The following SDK2 variants were observed in gnomAD, a reference collection of about 807,000 sequenced individuals.
SDK2 encodes the protein protein sidekick-2.
A neutral mutation model predicts 253.9 loss-of-function variants in SDK2; 105 were observed. The ratio of observed to expected loss-of-function variants is 0.41; its 90% confidence interval spans 0.35 to 0.49. The LOEUF is 0.49. Ranked by LOEUF, SDK2 falls within the 20% of genes least tolerant of loss-of-function variation. The pLI, the probability that SDK2 is intolerant of heterozygous loss-of-function variation, is 0.06. For missense variants in SDK2, 2,608 were observed against 3,003.0 expected, an observed-to-expected ratio of 0.87 and a Z score of 3.07; for synonymous variants, 1,249 against 1,234.9, an observed-to-expected ratio of 1.01 and a Z score of -0.24.
In SDK2 at chr17:73,387,976, C is replaced by G. The variant is rs1240184376; in HGVS notation, c.4254G>C (p.Val1418=). 13 of 1,571,508 alleles carry G rather than the reference C, an allele frequency of 8.3e-6. No individual in the cohort carries two copies. The highest frequency in any genetic ancestry group is 1.0e-5 in the Non-Finnish European group (12 of 1,159,144). Residue 1418 remains valine, a synonymous_variant, in exon 30 of 45, where the codon GTG becomes GTC. Coordinates refer to ENST00000392650, the MANE Select transcript of SDK2 (RefSeq NM_001144952.2). ...CGCTCCCTGGCTCCCAGGACAGCAG[C>G]ACGCTGCGTGCTCTCACATCCTCCT... is the stretch of plus-strand genomic sequence containing the variant. ...VQQEDVRARS[V]LLSWEPGSDG...
At position 73,447,832 on chromosome 17, in the gene SDK2, A is replaced by C. The variant is rs2063464653; in HGVS notation, c.480-84T>G. The C allele has an allele frequency of 2.0e-6, 3 of 1,487,908 alleles. No homozygotes were observed. The Admixed American group carries it at 6.0e-5, about 30-fold the overall frequency. The allele number at this position is 1,487,908 out of a possible 1,614,324, so 92.2% of individuals were successfully genotyped here. A position where few individuals can be genotyped will look rare whatever the true frequency, so the allele number is the denominator to read the frequency against. ...AGTGGGAGTGGAAACCCTAAGGGGGAAGCCCGACCATATCTCCCAGTCCCC... is the reference window on the plus strand; with the variant it reads ...AGTGGGAGTGGAAACCCTAAGGGGGCAGCCCGACCATATCTCCCAGTCCCC... On this transcript the variant is annotated intron_variant, in intron 4 of 44. Transcript: ENST00000392650. This position sits in a 1 kb window ranked among gnomAD's most constrained non-coding sequence, Gnocchi z 4.0.
chr17:73,415,333 CTT>C (rs901298170), intron 17 of SDK2, among the ~76,000 whole-genome samples: 6 of 146,956 alleles, frequency 4.1e-5, no homozygotes, highest in African/African-American at 1.5e-4. Flanking sequence ...GCCATAGTCT[CTT>C]TTCATTTCAT....
intron 1 of SDK2, among the ~76,000 whole-genome samples, chr17:73,545,508 G>A (rs111583530): frequency 8.5e-5 from 13 of 152,176 alleles, no homozygotes; most frequent in African/African-American, 3.1e-4. Context: ...AGGGAGAGAA[G>A]GGGTGCGTTT....
At chr17:73,518,355 G>A (rs1273064717) in intron 1 of SDK2, 2 of 152,254 alleles carry the variant, frequency 1.3e-5, no homozygotes, top group African/African-American at 4.8e-5. Flanking sequence ...GAAAAATAGG[G>A]ATAGCAGTGC....
intron 1 of SDK2, among the ~76,000 whole-genome samples, chr17:73,623,655 C>A (rs1414108481): frequency 6.6e-6 from 1 of 152,178 alleles, no homozygotes; most frequent in Non-Finnish European, 1.5e-5. Flanking sequence ...TAGCTGCCCC[C>A]TGATCTCACC....
intron 25 of SDK2, among the ~76,000 whole-genome samples, chr17:73,394,803 C>G (rs2062956761): frequency 6.6e-6 from 1 of 152,186 alleles, no homozygotes; most frequent in South Asian, 2.1e-4. Flanking sequence ...TGAGAGCTAA[C>G]CCTTTCCTCG....
At chr17:73,408,460 G>A (rs370367474) in intron 18 of SDK2, among the ~76,000 whole-genome samples, 89 of 151,890 alleles carry the variant, frequency 5.9e-4, no homozygotes, top group African/African-American at 1.9e-3. Context: ...TCCTGACCTC[G>A]TGATCCACCT....
intron 10 of SDK2, among the ~76,000 whole-genome samples, chr17:73,433,150 G>A (rs900051335): frequency 1.1e-4 from 16 of 151,642 alleles, no homozygotes; most frequent in African/African-American, 3.6e-4. Context: ...ATCACCCTGG[G>A]GTATATATAT....
chr17:73,415,691 G>T, intron 17 of SDK2, 120 bp downstream of exon 17: 4 of 840,430 alleles, frequency 4.8e-6, no homozygotes, highest in Non-Finnish European at 7.4e-6. Context: ...GTCTCCCTAT[G>T]TTGCCCAGGC....
intron 44 of SDK2, among the ~76,000 whole-genome samples, chr17:73,340,251 C>T (rs1401268845): frequency 6.6e-6 from 1 of 152,176 alleles, no homozygotes; most frequent in Admixed American, 6.5e-5. Context: ...GCATTAGGAC[C>T]GTCGCAGTGT....
chr17:73,468,556 G>T (rs569514952), intron 3 of SDK2, among the ~76,000 whole-genome samples: 33 of 152,232 alleles, frequency 2.2e-4, no homozygotes, highest in African/African-American at 5.8e-4. Flanking sequence ...CTGTCACCCA[G>T]GCTAGAGTGC....
intron 3 of SDK2, among the ~76,000 whole-genome samples, chr17:73,471,909 G>A (rs534783106): frequency 2.0e-4 from 30 of 152,324 alleles, no homozygotes; most frequent in East Asian, 3.9e-4. Context: ...TTACAGCTGC[G>A]TGACCTTGAA....
intron 1 of SDK2, chr17:73,518,860 C>A (rs764240305): frequency 6.6e-6 from 1 of 152,238 alleles, no homozygotes; most frequent in Non-Finnish European, 1.5e-5. Flanking sequence ...TGGAGCAATT[C>A]TCCAGTTTTA....
chr17:73,516,088 G>A (rs1420239424), intron 1 of SDK2, among the ~76,000 whole-genome samples: 1 of 152,222 alleles, frequency 6.6e-6, no homozygotes, highest in Non-Finnish European at 1.5e-5. Context: ...GCAGTCTCTT[G>A]AAGTTCTTAC....
intron 1 of SDK2, among the ~76,000 whole-genome samples, chr17:73,604,033 A>T (rs1185037411): frequency 6.6e-6 from 1 of 152,258 alleles, no homozygotes; most frequent in Non-Finnish European, 1.5e-5. Flanking sequence ...ACCCAGGGCC[A>T]AATGGGCAGC....
chr17:73,368,258 GTC>G (rs2062702192), intron 37 of SDK2, 147 bp downstream of exon 37: 1 of 673,528 alleles, frequency 1.5e-6, no homozygotes, highest in African/African-American at 1.9e-5. Flanking sequence ...TTGGGAGGGT[GTC>G]TCTGGGGACC....
rs2063361536 is a variant in SDK2, at chr17:73,435,588, TCTC to T, written c.1054_1056del (p.Glu352del). The T allele has an allele frequency of 4.4e-6, 7 of 1,581,072 alleles. No individual in the cohort carries two copies. In the East Asian group the frequency reaches 9.4e-5, roughly 21 times the overall value. On this transcript the variant is annotated inframe_deletion, in exon 9 of 45. Coordinates refer to ENST00000392650, the MANE Select transcript of SDK2 (RefSeq NM_001144952.2). The surrounding 1 kb of genome is among the most constrained non-coding windows in gnomAD (Gnocchi z 5.7). ...TTGCGCTGCCGGAAGCGGGTCAACT[TCTC>T]CACCTCCACCACGGCTGCGTCCTTG...
chr17:73,338,500 G>T lies in SDK2; in HGVS notation c.*87C>A. ...GGTGAAAAGTTGACTTGGTTTCTTG[G>T]TGTTTTTGTTTTCTGGCAGGCAGTG... On this transcript the variant is annotated 3_prime_UTR_variant, in exon 45 of 45. Transcript: ENST00000392650. This position sits in a 1 kb window ranked among gnomAD's most constrained non-coding sequence, Gnocchi z 5.0. 1 of 820,918 alleles carries T rather than the reference G, an allele frequency of 1.2e-6. No individual in the cohort carries two copies. The highest frequency in any genetic ancestry group is 2.0e-6 in the Non-Finnish European group (1 of 511,618). The allele number at this position is 820,918 out of a possible 1,614,324, so 50.9% of individuals were successfully genotyped here. A position where few individuals can be genotyped will look rare whatever the true frequency, so the allele number is the denominator to read the frequency against.
intron 31 of SDK2, 79 bp from the exon 32 acceptor site, chr17:73,385,996 C>A (rs1232201504): frequency 1.9e-6 from 2 of 1,046,624 alleles, no homozygotes; most frequent in Non-Finnish European, 2.8e-6. Flanking sequence ...CCAGATTCTG[C>A]TAATACTGGA....
Sources: allele counts gnomAD v4.1 joint callset (sites outside exome capture counted in the v4.1 genomes callset), GRCh38; gene constraint gnomAD v4.1.1; non-coding constraint Gnocchi (gnomAD v3.1); transcripts MANE v1.5; gene names NCBI Gene and HGNC (gene_info 2026-07-23, HGNC 2026-07-21).